EEIG1: variants seen among roughly 807,000 people sequenced by gnomAD.
The protein encoded by EEIG1 is early estrogen-induced gene 1 protein.
At chr9:127,942,969 GA>G in the EEIG1 span, 6 of 592,522 alleles carry the variant, frequency 1.0e-5, no homozygotes, top group Non-Finnish European at 1.2e-5. Context: ...GTTCAGAGGA[GA>G]ATATTCACAG....
chr9:127,974,040 G>A, the EEIG1 span, among the ~76,000 whole-genome samples: 1 of 152,280 alleles, frequency 6.6e-6, no homozygotes, highest in Non-Finnish European at 1.5e-5. Flanking sequence ...CACTGCAGGG[G>A]TCGACAAACC....
At chr9:127,952,309 A>G in the EEIG1 span, among the ~76,000 whole-genome samples, 3 of 152,238 alleles carry the variant, frequency 2.0e-5, no homozygotes, top group Non-Finnish European at 4.4e-5. Context: ...CACGCCCTGT[A>G]TAGCGCCTCC....
chr9:127,974,774 C>A, the EEIG1 span, among the ~76,000 whole-genome samples: 1 of 152,186 alleles, frequency 6.6e-6, no homozygotes, highest in Admixed American at 6.5e-5. Flanking sequence ...GGAAACAGGG[C>A]TGTCTAATCA....
chr9:127,975,185 C>A, the EEIG1 span, among the ~76,000 whole-genome samples: 1 of 152,230 alleles, frequency 6.6e-6, no homozygotes, highest in Non-Finnish European at 1.5e-5. Flanking sequence ...AGGGACTGGG[C>A]CTGGCGTGGG....
the EEIG1 span, among the ~76,000 whole-genome samples, chr9:127,976,810 G>A: frequency 3.3e-5 from 5 of 151,290 alleles, no homozygotes; most frequent in East Asian, 1.1e-3. The surrounding 1 kb of genome is among the most constrained non-coding windows in gnomAD (Gnocchi z 4.1). Context: ...CACCACCCAT[G>A]CTGCCACCAC....
At chr9:127,965,805 C>T in the EEIG1 span, among the ~76,000 whole-genome samples, 5 of 152,216 alleles carry the variant, frequency 3.3e-5, no homozygotes, top group African/African-American at 4.8e-5. Flanking sequence ...CCCTGGGGAC[C>T]AGCCAAGGCG....
At chr9:127,947,620 G>A in the EEIG1 span, among the ~76,000 whole-genome samples, 2 of 152,156 alleles carry the variant, frequency 1.3e-5, no homozygotes, top group Admixed American at 6.5e-5. Flanking sequence ...GTATGTGGGA[G>A]AGCAAGAGCT....
the EEIG1 span, chr9:127,950,789 G>A: frequency 2.4e-5 from 25 of 1,052,878 alleles, no homozygotes; most frequent in East Asian, 1.9e-4. Flanking sequence ...GCCACGTCCC[G>A]GCGTGCACCG....
chr9:127,955,489 G>A, the EEIG1 span, among the ~76,000 whole-genome samples: 1 of 152,246 alleles, frequency 6.6e-6, no homozygotes, highest in Non-Finnish European at 1.5e-5. Context: ...GTGTTGTGGG[G>A]CCTGTAGTAC....
chr9:127,942,581 G>C, the EEIG1 span: 1 of 155,920 alleles, frequency 6.4e-6, no homozygotes, highest in African/African-American at 2.4e-5. Context: ...AGTGTGGGTG[G>C]GGTCTGAGGT....
the EEIG1 span, among the ~76,000 whole-genome samples, chr9:127,980,871 G>C: frequency 1.3e-5 from 2 of 148,892 alleles, no homozygotes; most frequent in African/African-American, 2.4e-5. Flanking sequence ...GAGCTGAGGC[G>C]CCCTTCGGCC....
chr9:127,946,299 G>A, the EEIG1 span, among the ~76,000 whole-genome samples: 3 of 152,222 alleles, frequency 2.0e-5, no homozygotes, highest in African/African-American at 7.2e-5. Flanking sequence ...CAAAGGGACA[G>A]GCCCACAGTC....
the EEIG1 span, among the ~76,000 whole-genome samples, chr9:127,973,460 G>A: frequency 6.6e-6 from 1 of 152,198 alleles, no homozygotes; most frequent in Non-Finnish European, 1.5e-5. This position sits in a 1 kb window ranked among gnomAD's most constrained non-coding sequence, Gnocchi z 4.2. Flanking sequence ...ACAGGCCTCA[G>A]GAAATAGCCT....
At chr9:127,977,872 G>A in the EEIG1 span, among the ~76,000 whole-genome samples, 2 of 152,194 alleles carry the variant, frequency 1.3e-5, no homozygotes, top group African/African-American at 4.8e-5. Context: ...CAGTCCAGGG[G>A]TTAAGTGAGA....
the EEIG1 span, among the ~76,000 whole-genome samples, chr9:127,976,360 T>C: frequency 2.0e-5 from 3 of 152,188 alleles, no homozygotes; most frequent in African/African-American, 7.2e-5. The surrounding 1 kb of genome is among the most constrained non-coding windows in gnomAD (Gnocchi z 4.1). Context: ...GGGCCTCAAA[T>C]AATCATCTAT....
chr9:127,945,306 A>T, the EEIG1 span: 1 of 1,301,136 alleles, frequency 7.7e-7, no homozygotes, highest in African/African-American at 1.5e-5. This position sits in a 1 kb window ranked among gnomAD's most constrained non-coding sequence, Gnocchi z 6.5. Flanking sequence ...AAAGAAGCGG[A>T]GGTTCAAGGC....
the EEIG1 span, chr9:127,948,356 G>A: frequency 1.7e-5 from 28 of 1,614,064 alleles, no homozygotes; most frequent in East Asian, 5.1e-4. Flanking sequence ...CTAGGCCTGT[G>A]CCAGCACTCA....
At chr9:127,964,121 G>A in the EEIG1 span, among the ~76,000 whole-genome samples, 5 of 152,288 alleles carry the variant, frequency 3.3e-5, no homozygotes, top group Admixed American at 1.3e-4. Flanking sequence ...GGCTGGTGAC[G>A]AGGAGAGGCC....
the EEIG1 span, chr9:127,941,698 G>C: frequency 6.6e-6 from 1 of 152,134 alleles, no homozygotes; most frequent in Non-Finnish European, 1.5e-5. Flanking sequence ...CCTGGGGAGG[G>C]CACCTGCACC....
Sources: allele counts gnomAD v4.1 joint callset (sites outside exome capture counted in the v4.1 genomes callset), GRCh38; gene constraint gnomAD v4.1.1; non-coding constraint Gnocchi (gnomAD v3.1); transcripts MANE v1.5; gene names NCBI Gene and HGNC (gene_info 2026-07-23, HGNC 2026-07-21).